Variants in NTRK2 observed in about 807,000 individuals in gnomAD.
The protein encoded by NTRK2 is neurotrophic receptor tyrosine kinase 2, also known as BDNF/NT-3 growth factors receptor.
NTRK2 carries 13 observed loss-of-function variants against 94.5 expected under a neutral mutation model. The ratio of observed to expected loss-of-function variants is 0.14; its 90% CI spans 0.09 to 0.22. The LOEUF (loss-of-function observed/expected upper bound fraction) is 0.22, where lower values mean the gene tolerates loss of function less well. NTRK2 is among the 10% of genes least tolerant of loss of function. The probability of loss-of-function intolerance (pLI) is 1.00; values close to 1 mark genes in which losing one functional copy is unlikely to be tolerated. For missense variants in NTRK2, 639 were observed against 1,071.2 expected (o/e 0.60, Z 5.63); for synonymous variants, 372 against 407.4 (o/e 0.91, Z 1.05).
chr9:84,724,087 T>C lies in NTRK2; in HGVS notation c.721-137T>C. ...ATAACTTCTGATTTACTTCTTCGCC[T>C]GAGCCCAGTTCAGGCAGAGAAGCTT... On this transcript the variant is annotated intron_variant, in intron 7 of 18. Coordinates refer to ENST00000277120, the MANE Select transcript of NTRK2 (RefSeq NM_006180.6). The C allele has an allele frequency of 5.5e-6, 5 of 901,036 alleles. No individual in the cohort carries two copies. The East Asian group carries it at 1.3e-4, about 23-fold the overall frequency. 55.8% of individuals were successfully genotyped at this position (901,036 alleles called of 1,614,324 possible).
chr9:85,007,459 C>A (rs1588171307), intron 17 of NTRK2, among the ~76,000 whole-genome samples: 1 of 152,254 alleles, frequency 6.6e-6, no homozygotes, highest in East Asian at 1.9e-4. Context: ...AATGGGAAGT[C>A]ACTGAAGAGT....
chr9:84,877,516 A>G (rs766434122), intron 14 of NTRK2: 12 of 1,066,620 alleles, frequency 1.1e-5, no homozygotes, highest in Non-Finnish European at 1.4e-5. Context: ...TAAGCTCCCC[A>G]TGTGGCCAAG....
Position 84,785,924 on chromosome 9 carries a change from C to T in NTRK2, c.1396+33839C>T, listed in dbSNP as rs371733302. Among the ~76,000 whole-genome samples, 22 of 152,266 alleles carry T rather than the reference C, an allele frequency of 1.4e-4. No individual in the cohort carries two copies. In the East Asian group the frequency reaches 4.1e-3, roughly 28 times the overall value. On this transcript the variant is annotated intron_variant, in intron 12 of 18. Transcript: ENST00000277120. ...CATTCCCAGCCAAGCTGGTGACTTGCACACAAGCGCCATGCTATCAGAGCC... is the reference window on the plus strand; with the variant it reads ...CATTCCCAGCCAAGCTGGTGACTTGTACACAAGCGCCATGCTATCAGAGCC...
chr9:84,751,052 T>C (rs1391905290), intron 11 of NTRK2, among the ~76,000 whole-genome samples: 1 of 152,184 alleles, frequency 6.6e-6, no homozygotes, highest in Non-Finnish European at 1.5e-5. Context: ...ATCATATATA[T>C]GGGAAAATGC....
chr9:84,914,527 A>G (rs978043476), intron 14 of NTRK2, among the ~76,000 whole-genome samples: 5 of 152,212 alleles, frequency 3.3e-5, no homozygotes, highest in Admixed American at 2.6e-4. Flanking sequence ...CATTACTGCC[A>G]GGTGAAGGTA....
chr9:84,929,065 T>A (rs956723064), intron 14 of NTRK2, among the ~76,000 whole-genome samples: 22 of 152,172 alleles, frequency 1.4e-4, no homozygotes, highest in Admixed American at 3.9e-4. Flanking sequence ...AAAGTTATAT[T>A]TATTTTTTAT....
In NTRK2 at chr9:84,710,655, A is replaced by T. The variant is rs1415245133; in HGVS notation, c.447A>T (p.Pro149=). ...DLSELILVGN[P]FTCSCDIMWI... ...CCTGTAGGATCCTGGTGGGCAATCC[A>T]TTTACATGCTCCTGTGACATTATGT... is the stretch of plus-strand genomic sequence containing the variant. Residue 149 remains proline, a synonymous_variant, in exon 6 of 19, where the codon CCA becomes CCT. Coordinates refer to ENST00000277120, the MANE Select transcript of NTRK2 (RefSeq NM_006180.6). 1.2e-6 allele frequency: 2 copies of T among 1,614,038 alleles called. No homozygotes were observed. The highest frequency in any genetic ancestry group is 2.7e-5 in the African/African-American group (2 of 74,934).
chr9:84,723,092 A>G (rs1218955173), intron 6 of NTRK2, among the ~76,000 whole-genome samples: 1 of 152,230 alleles, frequency 6.6e-6, no homozygotes, highest in East Asian at 1.9e-4. Flanking sequence ...TAGATTTGTG[A>G]GAGTTACTTA....
At chr9:84,819,445 CAA>C (rs934067916) in intron 12 of NTRK2, among the ~76,000 whole-genome samples, 2 of 152,202 alleles carry the variant, frequency 1.3e-5, no homozygotes, top group African/African-American at 4.8e-5. Flanking sequence ...CCAGGCTTTT[CAA>C]AGACTGCTCT....
intron 18 of NTRK2, 94 bp from the exon 19 acceptor site, chr9:85,021,157 TA>T: frequency 9.3e-7 from 1 of 1,075,638 alleles, no homozygotes; most frequent in Non-Finnish European, 1.4e-6. Context: ...GCTTCTTTTG[TA>T]AAAGCCCTCT....
intron 14 of NTRK2, among the ~76,000 whole-genome samples, chr9:84,892,424 T>C (rs1184334623): frequency 6.6e-6 from 1 of 152,212 alleles, no homozygotes; most frequent in African/African-American, 2.4e-5. Context: ...GAATTTCTGC[T>C]TCCCACTCTC....
chr9:84,813,872 T>C (rs2072085760), intron 12 of NTRK2: 1 of 1,065,394 alleles, frequency 9.4e-7, no homozygotes, highest in Non-Finnish European at 1.1e-6. Context: ...TCCTATATCT[T>C]ATTATATTTA....
intron 12 of NTRK2, among the ~76,000 whole-genome samples, chr9:84,845,604 T>C (rs1347100697): frequency 6.6e-6 from 1 of 152,162 alleles, no homozygotes; most frequent in African/African-American, 2.4e-5. Flanking sequence ...ACGAATGAAA[T>C]GATGTCTTTT....
chr9:84,799,886 T>C (rs956054294), intron 12 of NTRK2, among the ~76,000 whole-genome samples: 1 of 152,234 alleles, frequency 6.6e-6, no homozygotes, highest in Non-Finnish European at 1.5e-5. Context: ...ATGATATTCA[T>C]TACCAACGCA....
chr9:84,852,522 C>G (rs995219535), intron 12 of NTRK2, among the ~76,000 whole-genome samples: 1 of 152,164 alleles, frequency 6.6e-6, no homozygotes, highest in African/African-American at 2.4e-5. Flanking sequence ...GAGGTTGCCC[C>G]TGCCTTTCTC....
In NTRK2 at chr9:85,026,856, G is replaced by C. The variant is rs1833059626; in HGVS notation, c.*5419G>C. On this transcript the variant is annotated 3_prime_UTR_variant, in exon 19 of 19. Coordinates refer to ENST00000277120, the MANE Select transcript of NTRK2 (RefSeq NM_006180.6). ...CTTACCAGTTCTTGTTTTGCAATCT[G>C]TTTTGAGGTCCATTGCTTTACTAAG... 1 of 232,522 alleles carries C rather than the reference G, an allele frequency of 4.3e-6. No homozygotes were observed. Among genetic ancestry groups the C allele is most frequent in the Non-Finnish European group, 8.5e-6 (1 of 117,806 alleles). The allele number at this position is 232,522 out of a possible 1,614,324, so 14.4% of individuals were successfully genotyped here. A position where few individuals can be genotyped will look rare whatever the true frequency, so the allele number is the denominator to read the frequency against.
intron 9 of NTRK2, among the ~76,000 whole-genome samples, chr9:84,733,105 G>A (rs1179584520): frequency 6.6e-6 from 1 of 152,204 alleles, no homozygotes; most frequent in East Asian, 1.9e-4. Context: ...TCTGGCAAGG[G>A]TCAGGCCTTG....
In NTRK2 at chr9:84,771,464, C is replaced by G. The variant is rs2066536842; in HGVS notation, c.1396+19379C>G. Among the ~76,000 whole-genome samples the G allele has an allele frequency of 2.0e-5, 3 of 152,264 alleles. No individual in the cohort carries two copies. In the South Asian group the frequency reaches 6.2e-4, roughly 32 times the overall value. ...TGGCATGGCCATCTAGATGGACTTC[C>G]TTCTAGTGTCCGTATTGGGACCTGA... On this transcript the variant is annotated intron_variant, in intron 12 of 18. Coordinates refer to ENST00000277120, the MANE Select transcript of NTRK2 (RefSeq NM_006180.6).
intron 17 of NTRK2, among the ~76,000 whole-genome samples, chr9:85,010,500 AG>A (rs1432086451): frequency 6.6e-6 from 1 of 152,196 alleles, no homozygotes; most frequent in African/African-American, 2.4e-5. Flanking sequence ...AGAAATGTAT[AG>A]CTTTGGAATG....
Sources: allele counts gnomAD v4.1 joint callset (sites outside exome capture counted in the v4.1 genomes callset), GRCh38; gene constraint gnomAD v4.1.1; transcripts MANE v1.5; gene names NCBI Gene and HGNC (gene_info 2026-07-23, HGNC 2026-07-21).